VAX2: variants seen among roughly 807,000 people sequenced by gnomAD.
The protein encoded by VAX2 is ventral anterior homeobox 2.
A neutral mutation model predicts 12.5 loss-of-function variants in VAX2; 8 were observed. That is an observed-to-expected ratio of 0.64 (90% CI 0.37 to 1.15). The LOEUF is 1.15. Among genes scored for constraint, VAX2 ranks in the 50% most tolerant of loss-of-function variants. The probability of loss-of-function intolerance (pLI) is 0.01; values close to 1 mark genes in which losing one functional copy is unlikely to be tolerated. For missense variants in VAX2, 476 were observed against 412.9 expected (o/e 1.15, Z -1.32); for synonymous variants, 183 against 187.6 (o/e 0.98, Z 0.20).
At position 70,900,639 on chromosome 2, in the gene VAX2, C is replaced by T; in HGVS notation, c.18C>T (p.Ala6=). 7.9e-7 allele frequency: 1 copy of T among 1,271,162 alleles called. No homozygotes were observed. Among genetic ancestry groups the T allele is most frequent in the Non-Finnish European group, 9.9e-7 (1 of 1,008,640 alleles). The allele number at this position is 1,271,162 out of a possible 1,614,324, so 78.7% of individuals were successfully genotyped here. ...CGGTCAGCATGGGCGATGGGGGCGC[C>T]GAGCGCGACCGGGGCCCCGCGCGCC... is the stretch of plus-strand genomic sequence containing the variant. The part of the protein sequence containing the change: MGDGG[A]ERDRGPARRA... The change falls in exon 1 of 3, where the codon GCC becomes GCT. Residue 6 remains alanine, a synonymous_variant. Transcript: ENST00000234392.
Position 70,904,415 on chromosome 2 carries a change from G to C in VAX2, c.247+3547G>C, listed in dbSNP as rs1018625654. On this transcript the variant is annotated intron_variant, in intron 1 of 2. Coordinates refer to ENST00000234392, the MANE Select transcript of VAX2 (RefSeq NM_012476.3). This position sits in a 1 kb window ranked among gnomAD's most constrained non-coding sequence, Gnocchi z 4.2. ...CCCGCGATCGATGCTCCACCTGCAC[G>C]CTCAAACGCACCTGTTTCCCAAATT... Among the ~76,000 whole-genome samples the C allele has an allele frequency of 1.3e-5, 2 of 152,174 alleles. No individual in the cohort carries two copies. Among genetic ancestry groups the C allele is most frequent in the East Asian group, 3.9e-4 (2 of 5,192 alleles).
chr2:70,928,626 A>T (rs1679623864), intron 2 of VAX2, among the ~76,000 whole-genome samples: 1 of 152,150 alleles, frequency 6.6e-6, no homozygotes, highest in Non-Finnish European at 1.5e-5. Context: ...AGCACCTTGT[A>T]AATGCCTGGT....
At chr2:70,914,708 T>C (rs1417307248) in intron 1 of VAX2, among the ~76,000 whole-genome samples, 1 of 152,228 alleles carries the variant, frequency 6.6e-6, no homozygotes, top group Non-Finnish European at 1.5e-5. Flanking sequence ...GCTATGCTTA[T>C]CCTTTCATAT....
At chr2:70,906,520 C>CTTTTTTTTTTTTTTTTTTTT (rs869309305) in intron 1 of VAX2, among the ~76,000 whole-genome samples, 6 of 60,606 alleles carry the variant, frequency 9.9e-5, no homozygotes, top group Non-Finnish European at 1.1e-4. Context: ...TTTTCTTTTC[C>CTTTTTTTTTTTTTTTTTTTT]TTTTTTTTTT....
intron 2 of VAX2, among the ~76,000 whole-genome samples, chr2:70,928,531 T>C (rs1487821887): frequency 6.6e-6 from 1 of 152,076 alleles, no homozygotes; most frequent in Non-Finnish European, 1.5e-5. Flanking sequence ...GCTCACCTTC[T>C]CAGGAGACGC....
At chr2:70,906,219 C>A (rs61014031) in intron 1 of VAX2, among the ~76,000 whole-genome samples, 2 of 152,182 alleles carry the variant, frequency 1.3e-5, no homozygotes. Flanking sequence ...TTCCTCATAC[C>A]CCCAACCCAG....
chr2:70,925,682 G>A (rs1366932595), intron 2 of VAX2, among the ~76,000 whole-genome samples: 1 of 152,104 alleles, frequency 6.6e-6, no homozygotes, highest in Non-Finnish European at 1.5e-5. Context: ...GATAATGGAT[G>A]GACTCCCCAG....
chr2:70,925,191 A>T (rs1679541180), intron 2 of VAX2, among the ~76,000 whole-genome samples: 1 of 152,176 alleles, frequency 6.6e-6, no homozygotes, highest in Non-Finnish European at 1.5e-5. Context: ...AGAGAAAGTG[A>T]CAGGAGATGA....
chr2:70,927,332 TG>T (rs1553413681), intron 2 of VAX2, among the ~76,000 whole-genome samples: 1 of 151,532 alleles, frequency 6.6e-6, no homozygotes, highest in Non-Finnish European at 1.5e-5. Context: ...AGGAGCCAGG[TG>T]GAGAACAAAC....
intron 1 of VAX2, among the ~76,000 whole-genome samples, chr2:70,907,346 C>CCGGCTTTCGGCTTT (rs369292100): frequency 6.6e-6 from 1 of 152,256 alleles, no homozygotes; most frequent in African/African-American, 2.4e-5. Context: ...GGTGAGTCTC[C>CCGGCTTTCGGCTTT]CGGCTTTCGG....
At position 70,904,233 on chromosome 2, in the gene VAX2, C is replaced by T. The variant is rs1375192122; in HGVS notation, c.247+3365C>T. Among the ~76,000 whole-genome samples, 1 of 152,170 alleles carries T rather than the reference C, an allele frequency of 6.6e-6. No individual in the cohort carries two copies. Among genetic ancestry groups the T allele is most frequent in the African/African-American group, 2.4e-5 (1 of 41,448 alleles). On this transcript the variant is annotated intron_variant, in intron 1 of 2. Transcript: ENST00000234392. This position sits in a 1 kb window ranked among gnomAD's most constrained non-coding sequence, Gnocchi z 4.2. ...CTTTTGTTTTATATTGGAAACCTTA[C>T]GCCAAAGGCAGGCAGGAAGCAACCA...
At chr2:70,926,446 C>T (rs1251722390) in intron 2 of VAX2, among the ~76,000 whole-genome samples, 1 of 152,208 alleles carries the variant, frequency 6.6e-6, no homozygotes, top group Non-Finnish European at 1.5e-5. Flanking sequence ...CCCACTTAGT[C>T]CAGTTCTCCT....
chr2:70,909,123 T>C (rs1679128227), intron 1 of VAX2, among the ~76,000 whole-genome samples: 1 of 152,170 alleles, frequency 6.6e-6, no homozygotes, highest in Admixed American at 6.5e-5. Flanking sequence ...AGGATGGTCT[T>C]TTGTTTTCAG....
intron 1 of VAX2, among the ~76,000 whole-genome samples, chr2:70,920,032 C>CT (rs1466302258): frequency 3.3e-5 from 5 of 152,166 alleles, no homozygotes; most frequent in African/African-American, 1.2e-4. Context: ...ATTGGAATTC[C>CT]TGCACCTGTG....
chr2:70,910,187 C>A (rs1679152107), intron 1 of VAX2, among the ~76,000 whole-genome samples: 1 of 152,012 alleles, frequency 6.6e-6, no homozygotes, highest in Non-Finnish European at 1.5e-5. Context: ...ATAATTACAG[C>A]AGAATAGAAG....
chr2:70,919,967 C>A (rs1005064923), intron 1 of VAX2, among the ~76,000 whole-genome samples: 1 of 152,340 alleles, frequency 6.6e-6, no homozygotes, highest in African/African-American at 2.4e-5. Context: ...TGTCAACAGC[C>A]ACTGCCCATT....
intron 2 of VAX2, among the ~76,000 whole-genome samples, chr2:70,921,797 C>T (rs1553412900): frequency 1.3e-5 from 2 of 152,084 alleles, no homozygotes. Flanking sequence ...TCTGCACACC[C>T]CCTTCACCTG....
At chr2:70,908,758 G>A (rs1220489403) in intron 1 of VAX2, among the ~76,000 whole-genome samples, 1 of 152,168 alleles carries the variant, frequency 6.6e-6, no homozygotes, top group East Asian at 1.9e-4. Flanking sequence ...CCATAAGATG[G>A]AAGCAGTTTA....
chr2:70,916,132 G>T (rs1472630211), intron 1 of VAX2, among the ~76,000 whole-genome samples: 1 of 152,070 alleles, frequency 6.6e-6, no homozygotes, highest in Non-Finnish European at 1.5e-5. Flanking sequence ...TTCTACTAAT[G>T]GATTTGTCAA....
Sources: gnomAD v4.1 joint callset for allele counts (sites outside exome capture counted in the v4.1 genomes callset) on GRCh38, gnomAD v4.1.1 for gene constraint, Gnocchi (gnomAD v3.1) non-coding constraint, MANE v1.5 for transcripts, NCBI Gene and HGNC (gene_info 2026-07-23, HGNC 2026-07-21) for gene names.